UBE3A: variants seen among roughly 807,000 people sequenced by gnomAD.
The protein encoded by UBE3A is ubiquitin-protein ligase E3A.
UBE3A carries 6 observed loss-of-function variants against 83.4 expected under a neutral mutation model. The ratio of observed to expected loss-of-function variants is 0.07; its 90% CI spans 0.04 to 0.14. The LOEUF (loss-of-function observed/expected upper bound fraction) is 0.14, where lower values mean the gene tolerates loss of function less well. UBE3A is among the 10% of genes least tolerant of loss of function. The pLI, the probability that UBE3A is intolerant of heterozygous loss-of-function variation, is 1.00. For synonymous variants in UBE3A, 337 were observed against 355.4 expected, an observed-to-expected ratio of 0.95 and a Z score of 0.58; for missense variants, 456 against 1,036.1, an observed-to-expected ratio of 0.44 and a Z score of 7.69.
At position 25,371,165 on chromosome 15, in the gene UBE3A, T is replaced by C. The variant is rs368318081; in HGVS notation, c.1009A>G (p.Met337Val). ...GTAATAAGTTGCTGAAATGTCTCCA[T>C]CATTCTCCGAATCTGGTCTGCATTG... ...KYNADQIRRM[M>V]ETFQQLITYK... The change falls in exon 6 of 13, where the codon ATG becomes GTG. Residue 337 changes from methionine to valine, a missense_variant. By Grantham distance (21) the Met-to-Val change is conservative. Coordinates refer to ENST00000648336, the MANE Select transcript of UBE3A (RefSeq NM_130839.5). This position sits in a 1 kb window ranked among gnomAD's most constrained non-coding sequence, Gnocchi z 5.3. The C allele has an allele frequency of 6.2e-7, 1 of 1,614,062 alleles. No individual in the cohort carries two copies. Among genetic ancestry groups the C allele is most frequent in the African/African-American group, 1.3e-5 (1 of 74,936 alleles).
chr15:25,370,427 ATACT>A lies in UBE3A; in HGVS notation c.1608+135_1608+138del. 1 of 1,020,254 alleles carries A rather than the reference ATACT, an allele frequency of 9.8e-7. No individual in the cohort carries two copies. The allele number at this position is 1,020,254 out of a possible 1,614,324, so 63.2% of individuals were successfully genotyped here. On this transcript the variant is annotated intron_variant, in intron 6 of 12. Coordinates refer to ENST00000648336, the MANE Select transcript of UBE3A (RefSeq NM_130839.5). The surrounding 1 kb of genome is among the most constrained non-coding windows in gnomAD (Gnocchi z 4.2). ...CTTGCACAGGAACAACAAAAGTATA[ATACT>A]TATATAAGATCAGAAATGTCCATGT...
At chr15:25,383,695 A>G (rs2152911207) in intron 4 of UBE3A, among the ~76,000 whole-genome samples, 1 of 152,268 alleles carries the variant, frequency 6.6e-6, no homozygotes, top group South Asian at 2.1e-4. Context: ...AATTACTTCA[A>G]CATAATGAAG....
rs587782926 is a variant in UBE3A, at chr15:25,339,119, A to ATTTTG, written c.*13_*17dup. The ATTTTG allele has an allele frequency of 1.5e-5, 22 of 1,429,944 alleles. No individual in the cohort carries two copies. Among genetic ancestry groups the ATTTTG allele is most frequent in the East Asian group, 2.6e-5 (1 of 38,874 alleles). 88.6% of individuals were successfully genotyped at this position (1,429,944 alleles called of 1,614,324 possible). A position where few individuals can be genotyped will look rare whatever the true frequency, so the allele number is the denominator to read the frequency against. ...TTTTTTCCTTCCTTTTTTTTGTTTTATTTTGTTTTGTTTTGTTTTACAGCA... is the reference window on the plus strand; with the variant it reads ...TTTTTTCCTTCCTTTTTTTTGTTTTATTTTGTTTTGTTTTGTTTTGTTTTACAGCA... On this transcript the variant is annotated 3_prime_UTR_variant, in exon 13 of 13. Transcript: ENST00000648336.
intron 11 of UBE3A, among the ~76,000 whole-genome samples, chr15:25,353,462 C>G (rs1054421769): frequency 2.6e-5 from 4 of 152,126 alleles, no homozygotes; most frequent in Non-Finnish European, 5.9e-5. Context: ...AAAGTCAGCC[C>G]TCTGTATATG....
chr15:25,403,556 T>C (rs999568954), intron 4 of UBE3A, among the ~76,000 whole-genome samples: 6 of 152,120 alleles, frequency 3.9e-5, no homozygotes, highest in African/African-American at 1.2e-4. Flanking sequence ...TATGGCAGTT[T>C]CTCAAAATTT....
At chr15:25,367,276 C>T (rs960963780) in intron 6 of UBE3A, among the ~76,000 whole-genome samples, 5 of 138,264 alleles carry the variant, frequency 3.6e-5, no homozygotes, top group Admixed American at 7.4e-5. Flanking sequence ...TAAATATTTA[C>T]ATATTTAAAT....
rs951957344 is a variant in UBE3A at position 25,370,434 on chromosome 15, T to C, written c.1608+132A>G. The C allele has an allele frequency of 6.7e-5, 72 of 1,078,030 alleles. No individual in the cohort carries two copies. The highest frequency in any genetic ancestry group is 8.8e-5 in the Non-Finnish European group (62 of 706,396). The allele number at this position is 1,078,030 out of a possible 1,614,324, so 66.8% of individuals were successfully genotyped here. ...AGGAACAACAAAAGTATAATACTTA[T>C]ATAAGATCAGAAATGTCCATGTGTT... is the stretch of plus-strand genomic sequence containing the variant. On this transcript the variant is annotated intron_variant, in intron 6 of 12. Transcript: ENST00000648336. This position sits in a 1 kb window ranked among gnomAD's most constrained non-coding sequence, Gnocchi z 4.2.
chr15:25,423,693 T>TC (rs1278497094), intron 1 of UBE3A, among the ~76,000 whole-genome samples: 2 of 151,942 alleles, frequency 1.3e-5, no homozygotes, highest in Admixed American at 1.3e-4. Flanking sequence ...TTTCCTCTTT[T>TC]CCCCCCACAA....
At chr15:25,428,599 T>C (rs1209522607) in intron 1 of UBE3A, among the ~76,000 whole-genome samples, 1 of 152,210 alleles carries the variant, frequency 6.6e-6, no homozygotes, top group African/African-American at 2.4e-5. Context: ...GTGCCTTTCC[T>C]TTAAAAACAT....
chr15:25,350,049 A>G (rs1050853990), intron 11 of UBE3A, among the ~76,000 whole-genome samples: 1 of 152,182 alleles, frequency 6.6e-6, no homozygotes, highest in African/African-American at 2.4e-5. Flanking sequence ...AAGAATTGCT[A>G]GAGTCCAGGG....
At chr15:25,393,559 G>A (rs2084890248) in intron 4 of UBE3A, among the ~76,000 whole-genome samples, 1 of 152,086 alleles carries the variant, frequency 6.6e-6, no homozygotes, top group Non-Finnish European at 1.5e-5. Context: ...TCTCATTAAT[G>A]TTCCCAAAAA....
intron 4 of UBE3A, among the ~76,000 whole-genome samples, chr15:25,404,936 C>T (rs1270613162): frequency 3.3e-5 from 5 of 152,134 alleles, no homozygotes; most frequent in Middle Eastern, 3.4e-3. Context: ...ACTCTTACTT[C>T]CCTGCCATCT....
intron 4 of UBE3A, among the ~76,000 whole-genome samples, chr15:25,394,660 A>T (rs1305283619): frequency 6.6e-6 from 1 of 152,216 alleles, no homozygotes; most frequent in East Asian, 1.9e-4. Flanking sequence ...CACTTGCTAC[A>T]TGGTAAATGC....
At chr15:25,405,531 C>G (rs2088292608) in intron 3 of UBE3A, 29 bp from the exon 4 acceptor site, 2 of 1,610,042 alleles carry the variant, frequency 1.2e-6, no homozygotes, top group Non-Finnish European at 1.7e-6. Context: ...AAACAGTTAG[C>G]AAAATATTCC....
chr15:25,345,515 A>C (rs58585994), intron 11 of UBE3A: 9,479 of 151,984 alleles, frequency 0.062, 738 homozygotes, highest in African/African-American at 0.18. Context: ...AAGCGAAAAA[A>C]GTTATCCTGG....
At chr15:25,398,765 TTTTA>T (rs1444532614) in intron 4 of UBE3A, among the ~76,000 whole-genome samples, 31 of 82,748 alleles carry the variant, frequency 3.7e-4, no homozygotes, top group African/African-American at 1.0e-3. Flanking sequence ...GATTTTATTC[TTTTA>T]TTTATATATA....
intron 1 of UBE3A, chr15:25,420,630 T>C (rs1889326133): frequency 6.6e-6 from 1 of 152,178 alleles, no homozygotes; most frequent in African/African-American, 2.4e-5. Flanking sequence ...GAATGGCAAT[T>C]ATTTTAAATA....
intron 1 of UBE3A, among the ~76,000 whole-genome samples, chr15:25,436,237 G>A (rs1315948600): frequency 1.3e-5 from 2 of 152,086 alleles, no homozygotes; most frequent in East Asian, 1.9e-4. Context: ...GTATTTTACC[G>A]AAAGATCACT....
Position 25,371,137 on chromosome 15 carries a change from T to A in UBE3A, c.1037A>T (p.Tyr346Phe). The change falls in exon 6 of 13, where the codon TAT becomes TTT. Residue 346 changes from tyrosine (Y) to phenylalanine (F), a missense_variant. Physicochemically the swap from Tyr to Phe is conservative, Grantham distance 22. This residue lies in a region of UBE3A where 85 missense variants were observed against 137.0 expected (regional missense o/e 0.62). Transcript: ENST00000648336. The surrounding 1 kb of genome is among the most constrained non-coding windows in gnomAD (Gnocchi z 5.3). ...GTTAAATTCATTGCTTATGACTTTA[T>A]AAGTAATAAGTTGCTGAAATGTCTC... ...MMETFQQLIT[Y>F]KVISNEFNSR... 1 of 1,614,188 alleles carries A rather than the reference T, an allele frequency of 6.2e-7. No individual in the cohort carries two copies. The highest frequency in any genetic ancestry group is 8.5e-7 in the Non-Finnish European group (1 of 1,180,022).
Sources: allele counts gnomAD v4.1 joint callset (sites outside exome capture counted in the v4.1 genomes callset), GRCh38; gene constraint gnomAD v4.1.1; regional missense constraint gnomAD v4.1.1; non-coding constraint Gnocchi (gnomAD v3.1); transcripts MANE v1.5; gene names NCBI Gene and HGNC (gene_info 2026-07-23, HGNC 2026-07-21).